The following DIAPH2 variants were observed in gnomAD, a reference collection of about 807,000 sequenced individuals.
The protein encoded by DIAPH2 is protein diaphanous homolog 2.
DIAPH2 carries 35 observed loss-of-function variants against 92.7 expected under a neutral mutation model. The observed-to-expected ratio is 0.38, with a 90% CI of 0.29 to 0.50. DIAPH2 has a LOEUF of 0.50. DIAPH2 is among the 20% of genes least tolerant of loss of function. The pLI is 0.94. For missense variants in DIAPH2, 701 were observed against 819.5 expected (o/e 0.86, Z 1.77); for synonymous variants, 301 against 280.4 (o/e 1.07, Z -0.73).
chrX:97,331,330 A>T (rs1437325722), intron 23 of DIAPH2, among the ~76,000 whole-genome samples: 1 of 112,219 alleles, frequency 8.9e-6, no homozygotes, highest in Non-Finnish European at 1.9e-5. Context: ...ATGCAGTTTC[A>T]TATTTAAGAC....
At chrX:97,232,498 AT>A (rs2068017305) in intron 22 of DIAPH2, among the ~76,000 whole-genome samples, 1 of 111,663 alleles carries the variant, frequency 9.0e-6, no homozygotes, top group African/African-American at 3.3e-5. Context: ...AAGTACTGAG[AT>A]TACAGGTGTG....
intron 5 of DIAPH2, among the ~76,000 whole-genome samples, chrX:96,901,670 G>T (rs1033539806): frequency 1.9e-5 from 2 of 106,394 alleles, no homozygotes; most frequent in East Asian, 5.9e-4. Flanking sequence ...AAGTAGCTGG[G>T]ACTACAGGCA....
At chrX:97,429,928 A>G (rs759702141) in intron 26 of DIAPH2, among the ~76,000 whole-genome samples, 183 bp downstream of exon 26, 1 of 112,159 alleles carries the variant, frequency 8.9e-6, no homozygotes, top group Admixed American at 9.5e-5. Flanking sequence ...TCAACTTGGT[A>G]AATGTATCTT....
chrX:97,570,104 ATATAT>A (rs2071356625), intron 26 of DIAPH2, among the ~76,000 whole-genome samples: 1 of 32,074 alleles, frequency 3.1e-5, no homozygotes, highest in Non-Finnish European at 6.0e-5. Flanking sequence ...ATATATATAT[ATATAT>A]ATATATATAT....
chrX:97,575,818 A>G (rs1021405577), intron 26 of DIAPH2, among the ~76,000 whole-genome samples: 3 of 111,926 alleles, frequency 2.7e-5, no homozygotes, highest in African/African-American at 9.7e-5. Flanking sequence ...ACCCCTGGGA[A>G]GTAGCTCATG....
At chrX:97,456,460 TC>T (rs1473528337) in intron 26 of DIAPH2, among the ~76,000 whole-genome samples, 2 of 111,088 alleles carry the variant, frequency 1.8e-5, no homozygotes, top group African/African-American at 6.5e-5. Context: ...TAAGTTACTA[TC>T]CTATGTCTAG....
chrX:97,468,638 GAAAA>G (rs10534345), intron 26 of DIAPH2, among the ~76,000 whole-genome samples: 8 of 89,676 alleles, frequency 8.9e-5, no homozygotes, highest in Admixed American at 8.8e-4. Flanking sequence ...AGGTCTTTGT[GAAAA>G]AAAAAAAAAA....
At chrX:96,835,934 C>T (rs185198745) in intron 4 of DIAPH2, among the ~76,000 whole-genome samples, 2 of 110,263 alleles carry the variant, frequency 1.8e-5, no homozygotes, top group East Asian at 5.7e-4. Context: ...CCATCTCAGC[C>T]ACCCGAGTAG....
chrX:97,251,469 G>C (rs905119920), intron 23 of DIAPH2, among the ~76,000 whole-genome samples: 10 of 106,508 alleles, frequency 9.4e-5, no homozygotes, highest in African/African-American at 3.5e-4. Flanking sequence ...GCCTCACTCT[G>C]TAACCCAGGT....
chrX:96,697,035 G>A (rs776407024), intron 1 of DIAPH2, among the ~76,000 whole-genome samples: 2 of 110,856 alleles, frequency 1.8e-5, no homozygotes, highest in African/African-American at 6.6e-5. Flanking sequence ...GGAACTCTGA[G>A]CTTGGGGGTT....
At chrX:97,555,786 T>C (rs1214369059) in intron 26 of DIAPH2, among the ~76,000 whole-genome samples, 1 of 112,294 alleles carries the variant, frequency 8.9e-6, no homozygotes, top group Non-Finnish European at 1.9e-5. Flanking sequence ...AAGACTACAT[T>C]AATGAAATGG....
chrX:96,884,923 G>A (rs765397140), intron 5 of DIAPH2: 2 of 1,211,464 alleles, frequency 1.7e-6, no homozygotes, highest in East Asian at 5.9e-5. Context: ...CCAGGACGAA[G>A]TGCTGCGTTT....
chrX:97,348,212 T>G lies in DIAPH2; in HGVS notation c.2941T>G (p.Phe981Val), dbSNP rs1365701108. 1.7e-6 allele frequency: 2 copies of G among 1,209,427 alleles called. No homozygotes were observed. Residue 981 changes from phenylalanine (F) to valine (V), a missense_variant, in exon 24 of 27, where the codon TTT (phenylalanine) becomes GTT (valine). Coordinates refer to ENST00000324765, the MANE Select transcript of DIAPH2 (RefSeq NM_006729.5). ...LYENLGEYFI[F>V]DSKTVSIEEF... ...TGAGAATCTTGGAGAATACTTCATT[T>G]TTGACTCAAAGACAGTGAGCATAGA...
At chrX:96,950,983 G>A (rs768644128) in intron 15 of DIAPH2, among the ~76,000 whole-genome samples, 4 of 111,633 alleles carry the variant, frequency 3.6e-5, no homozygotes, top group East Asian at 2.8e-4. Context: ...TGTTCATGAC[G>A]AAAGCATTCC....
At chrX:97,187,733 G>T (rs1186894919) in intron 22 of DIAPH2, among the ~76,000 whole-genome samples, 1 of 111,315 alleles carries the variant, frequency 9.0e-6, no homozygotes, top group Non-Finnish European at 1.9e-5. Context: ...AGGAGTTTTT[G>T]GAAATCAAAA....
intron 26 of DIAPH2, among the ~76,000 whole-genome samples, chrX:97,581,247 T>C (rs1602681351): frequency 5.5e-5 from 1 of 18,196 alleles, no homozygotes; most frequent in African/African-American, 8.5e-5. Flanking sequence ...TTCTAGTTCT[T>C]TTAATTGTGA....
intron 17 of DIAPH2, among the ~76,000 whole-genome samples, chrX:97,035,371 T>A (rs779480676): frequency 8.9e-6 from 1 of 112,305 alleles, no homozygotes; most frequent in Non-Finnish European, 1.9e-5. Context: ...ACTTTTTGAT[T>A]CTGCAAAGTC....
chrX:96,980,064 C>A (rs977542789), intron 17 of DIAPH2, among the ~76,000 whole-genome samples: 1 of 111,219 alleles, frequency 9.0e-6, no homozygotes, highest in Admixed American at 9.5e-5. Flanking sequence ...AGGAGTGTTA[C>A]AGGCAAAGCG....
intron 17 of DIAPH2, among the ~76,000 whole-genome samples, chrX:96,997,837 G>A (rs762105101): frequency 8.9e-6 from 1 of 111,763 alleles, no homozygotes; most frequent in East Asian, 2.8e-4. Context: ...TTGTGATCAC[G>A]ATCATTTTGA....
Sources: gnomAD v4.1 joint callset for allele counts (sites outside exome capture counted in the v4.1 genomes callset) on GRCh38, gnomAD v4.1.1 for gene constraint, MANE v1.5 for transcripts, NCBI Gene and HGNC (gene_info 2026-07-23, HGNC 2026-07-21) for gene names.